The following CHD2 variants were observed in gnomAD, a reference collection of about 807,000 sequenced individuals.
CHD2 encodes the protein chromodomain helicase DNA binding protein 2.
Under a neutral mutation model 243.9 loss-of-function variants are expected in CHD2, and 28 were observed. The observed-to-expected ratio is 0.11, with a 90% CI of 0.09 to 0.16. CHD2 has a LOEUF of 0.16. CHD2 is among the 10% of genes least tolerant of loss of function. The pLI, the probability that CHD2 is intolerant of heterozygous loss-of-function variation, is 1.00. For missense variants in CHD2, 1,386 were observed against 2,209.8 expected (o/e 0.63, Z 7.47); for synonymous variants, 775 against 779.0 (o/e 0.99, Z 0.09).
intron 2 of CHD2, among the ~76,000 whole-genome samples, chr15:92,906,292 C>T (rs2052620525): frequency 1.3e-5 from 2 of 152,146 alleles, no homozygotes; most frequent in South Asian, 4.1e-4. Flanking sequence ...TTAAAATATG[C>T]ACTTTCCAAC....
intron 27 of CHD2, among the ~76,000 whole-genome samples, chr15:92,992,324 G>A (rs1199151261): frequency 6.6e-6 from 1 of 152,164 alleles, no homozygotes; most frequent in Non-Finnish European, 1.5e-5. Context: ...GCCAGTTACC[G>A]TAAAAGCCAA....
chr15:92,978,797 C>T (rs1024553088), intron 21 of CHD2, among the ~76,000 whole-genome samples: 3 of 152,112 alleles, frequency 2.0e-5, no homozygotes, highest in South Asian at 4.1e-4. Context: ...ATCTTAAAGT[C>T]TGTTCTATAT....
Position 92,937,541 on chromosome 15 carries a change from C to T in CHD2, c.467C>T (p.Ser156Leu). 1 of 1,611,774 alleles carries T rather than the reference C, an allele frequency of 6.2e-7. No homozygotes were observed. Among genetic ancestry groups the T allele is most frequent in the African/African-American group, 1.3e-5 (1 of 74,896 alleles). The part of the protein sequence containing the change: ...KKQEKWKQEP[S>L]EDEQEQGTSA... ...AGAGAAAAATGGAAACAGGAACCCT[C>T]AGAAGATGAACAGGAACAAGGCACC... The change falls in exon 6 of 39, where the codon TCA (serine) becomes TTA (leucine). Residue 156 changes from serine (S) to leucine (L), a missense_variant. Coordinates refer to ENST00000394196, the MANE Select transcript of CHD2 (RefSeq NM_001271.4).
At chr15:92,952,312 T>A (rs1256926781) in intron 13 of CHD2, among the ~76,000 whole-genome samples, 3 of 152,232 alleles carry the variant, frequency 2.0e-5, no homozygotes, top group Non-Finnish European at 2.9e-5. Context: ...AAGACAATTT[T>A]TCCACAGGCT....
At position 92,951,107 on chromosome 15, in the gene CHD2, G is replaced by A. The variant is rs539982122; in HGVS notation, c.1502+2031G>A. Among the ~76,000 whole-genome samples, 10 of 152,268 alleles carry A rather than the reference G, an allele frequency of 6.6e-5. No individual in the cohort carries two copies. In the South Asian group the frequency reaches 1.7e-3, roughly 25 times the overall value. On this transcript the variant is annotated intron_variant, in intron 13 of 38. Coordinates refer to ENST00000394196, the MANE Select transcript of CHD2 (RefSeq NM_001271.4). The stretch of plus-strand genomic sequence containing the variant: ...GAAGACTCTTAGGAACAAAGGTGCC[G>A]TGTACCCATCCAGAGTCACATGGTG...
At chr15:93,006,617 T>C (rs1457628494) in intron 34 of CHD2, among the ~76,000 whole-genome samples, 1 of 152,226 alleles carries the variant, frequency 6.6e-6, no homozygotes, top group East Asian at 1.9e-4. Flanking sequence ...AGTGTTTCCA[T>C]TTTACATATT....
rs1394347842 is a variant in CHD2, at chr15:93,027,628, A to C, written c.*2923A>C. The C allele has an allele frequency of 6.5e-6, 1 of 152,716 alleles. No individual in the cohort carries two copies. Among genetic ancestry groups the C allele is most frequent in the Non-Finnish European group, 1.5e-5 (1 of 68,084 alleles). The allele number at this position is 152,716 out of a possible 1,614,324, so 9.5% of individuals were successfully genotyped here. A position where few individuals can be genotyped will look rare whatever the true frequency, so the allele number is the denominator to read the frequency against. On this transcript the variant is annotated 3_prime_UTR_variant, in exon 39 of 39. Coordinates refer to ENST00000394196, the MANE Select transcript of CHD2 (RefSeq NM_001271.4). ...TTTAGGAAGTCACACAATGACACTG[A>C]AATCCTACAGACCAAAATCCACTTG... is the stretch of plus-strand genomic sequence containing the variant.
At chr15:92,950,214 A>G (rs1360299579) in intron 13 of CHD2, among the ~76,000 whole-genome samples, 1 of 152,248 alleles carries the variant, frequency 6.6e-6, no homozygotes, top group Non-Finnish European at 1.5e-5. Context: ...ACAGCCACAT[A>G]GGGCTTAACA....
Position 92,941,906 on chromosome 15 carries a change from T to C in CHD2, c.777T>C (p.Asn259=). The change falls in exon 8 of 39, where the codon AAT becomes AAC. Residue 259 remains asparagine (N), a synonymous_variant. Transcript: ENST00000394196. ...TGEGVDEQQD[N]SETIEKVLDS... Reference sequence around the variant, plus strand: ...AAGGAGTTGATGAACAGCAAGATAATAGTGAAACTATTGAAAAGGTCTTAG... The same window carrying C: ...AAGGAGTTGATGAACAGCAAGATAACAGTGAAACTATTGAAAAGGTCTTAG... 1 of 1,613,442 alleles carries C rather than the reference T, an allele frequency of 6.2e-7. No individual in the cohort carries two copies. The highest frequency in any genetic ancestry group is 1.3e-5 in the African/African-American group (1 of 75,016).
intron 22 of CHD2, among the ~76,000 whole-genome samples, chr15:92,979,943 T>A (rs956303248): frequency 6.6e-6 from 1 of 151,670 alleles, no homozygotes; most frequent in South Asian, 2.1e-4. Flanking sequence ...ATCAATATTA[T>A]CAAGATAATA....
At position 92,930,421 on chromosome 15, in the gene CHD2, C is replaced by T. The variant is rs566603967; in HGVS notation, c.443+1330C>T. Among the ~76,000 whole-genome samples, 4 of 152,100 alleles carry T rather than the reference C, an allele frequency of 2.6e-5. No homozygotes were observed. In the South Asian group the frequency reaches 8.3e-4, roughly 32 times the overall value. ...CTTACTCTGGTTACTGGCTCATAGT[C>T]TTGTCAGCCTTTTTGTTTTGTTTTG... On this transcript the variant is annotated intron_variant, in intron 5 of 38. Transcript: ENST00000394196.
intron 19 of CHD2, 141 bp downstream of exon 19, chr15:92,972,558 A>G: frequency 2.3e-6 from 1 of 429,510 alleles, no homozygotes; most frequent in Non-Finnish European, 3.8e-6. Context: ...AGTTAAGGTT[A>G]AGATTCCAGG....
chr15:92,980,936 A>T (rs890582362), intron 23 of CHD2, 25 bp downstream of exon 23: 12 of 1,530,994 alleles, frequency 7.8e-6, no homozygotes, highest in Non-Finnish European at 1.1e-5. Flanking sequence ...GGAGAGGGAA[A>T]TTTTTTTGAG....
intron 27 of CHD2, 102 bp downstream of exon 27, chr15:92,991,619 C>T (rs1422392268): frequency 2.7e-6 from 2 of 747,044 alleles, no homozygotes; most frequent in East Asian, 5.6e-5. Flanking sequence ...ATGCTGGGAA[C>T]ATTTTTTTTT....
At position 92,946,472 on chromosome 15, in the gene CHD2, C is replaced by CTTTTA. The variant is rs546757533; in HGVS notation, c.1377+274_1377+278dup. On this transcript the variant is annotated intron_variant, in intron 12 of 38. Coordinates refer to ENST00000394196, the MANE Select transcript of CHD2 (RefSeq NM_001271.4). ...GAGAATACTTGAAAGGATTTAGGCA[C>CTTTTA]TTTTATTTTATTTTATTTTATTATT... The CTTTTA allele has an allele frequency of 3.9e-3, 1,120 of 286,806 alleles. 12 individuals are homozygous for CTTTTA. The highest frequency in any genetic ancestry group is 0.023 in the African/African-American group (1,050 of 45,900). The allele number at this position is 286,806 out of a possible 1,614,324, so 17.8% of individuals were successfully genotyped here. A position where few individuals can be genotyped will look rare whatever the true frequency, so the allele number is the denominator to read the frequency against.
At chr15:92,904,651 C>T in intron 2 of CHD2, 2 of 1,265,230 alleles carry the variant, frequency 1.6e-6, no homozygotes, top group Non-Finnish European at 2.0e-6. Context: ...CTTTGAGAAG[C>T]GGCTGCTTTT....
chr15:92,958,056 T>A (rs1274018784), intron 16 of CHD2, among the ~76,000 whole-genome samples: 2 of 152,212 alleles, frequency 1.3e-5, no homozygotes, highest in Non-Finnish European at 2.9e-5. Context: ...ACATTTGGAT[T>A]GCTTTGTTTT....
intron 2 of CHD2, among the ~76,000 whole-genome samples, chr15:92,916,383 T>C (rs2052836603): frequency 6.6e-6 from 1 of 152,248 alleles, no homozygotes; most frequent in Non-Finnish European, 1.5e-5. Context: ...CTGCTGCATT[T>C]AGTTGCATAG....
rs187190824 is a variant in CHD2, at chr15:92,988,467, A to G, written c.3413+2794A>G. Among the ~76,000 whole-genome samples the G allele has an allele frequency of 1.9e-4, 29 of 152,264 alleles. No homozygotes were observed. In the East Asian group the frequency reaches 5.2e-3, roughly 27 times the overall value. ...TACTGTTTTTATATTTACTTACTCT[A>G]TTATTCCATGGGTGCTCTTATTTCT... On this transcript the variant is annotated intron_variant, in intron 26 of 38. Coordinates refer to ENST00000394196, the MANE Select transcript of CHD2 (RefSeq NM_001271.4).
Sources: gnomAD v4.1 joint callset for allele counts (sites outside exome capture counted in the v4.1 genomes callset) on GRCh38, gnomAD v4.1.1 for gene constraint, MANE v1.5 for transcripts, NCBI Gene and HGNC (gene_info 2026-07-23, HGNC 2026-07-21) for gene names.